Variants in DDX60L observed in about 807,000 individuals in gnomAD.
DDX60L encodes probable ATP-dependent RNA helicase DDX60-like.
Under a neutral mutation model 211.6 loss-of-function variants are expected in DDX60L, and 191 were observed. The ratio of observed to expected loss-of-function variants is 0.90; its 90% confidence interval spans 0.80 to 1.02. The LOEUF is 1.02. Among genes scored for constraint, DDX60L ranks in the 50% least tolerant of loss-of-function variants. DDX60L has a pLI of 0.00. For synonymous variants in DDX60L, 706 were observed against 694.1 expected (o/e 1.02, Z -0.27); for missense variants, 2,007 against 1,984.1 (o/e 1.01, Z -0.22).
At position 168,357,298 on chromosome 4, in the gene DDX60L, T is replaced by C. The variant is rs1738340018; in HGVS notation, c.*849A>G. On this transcript the variant is annotated 3_prime_UTR_variant, in exon 38 of 38. Transcript: ENST00000682922. ...GTTCTGCTTTCAACAGGAAAGTGGT[T>C]TATAACTACTCCAAGTGACTGTTTT... 6.6e-6 allele frequency: 1 copy of C among 152,208 alleles called. No homozygotes were observed. Among genetic ancestry groups the C allele is most frequent in the Admixed American group, 6.5e-5 (1 of 15,268 alleles). 9.4% of individuals were successfully genotyped at this position (152,208 alleles called of 1,614,324 possible).
chr4:168,466,985 C>T (rs1221539273), intron 4 of DDX60L, among the ~76,000 whole-genome samples: 4 of 152,066 alleles, frequency 2.6e-5, no homozygotes, highest in African/African-American at 7.2e-5. Context: ...TGTTAGAATA[C>T]GTGTTGCTTT....
intron 32 of DDX60L, 21 bp downstream of exon 32, chr4:168,379,342 A>C (rs749715222): frequency 3.1e-5 from 46 of 1,505,692 alleles, no homozygotes; most frequent in Non-Finnish European, 4.1e-5. Flanking sequence ...TTTCGACTAC[A>C]GGTATAAAAC....
At chr4:168,443,973 C>T (rs1283864192) in intron 9 of DDX60L, among the ~76,000 whole-genome samples, 253 of 110,576 alleles carry the variant, frequency 2.3e-3, no homozygotes, top group African/African-American at 8.5e-3. Flanking sequence ...CATCAACTAA[C>T]AAGCAAAATA....
chr4:168,433,825 A>G (rs1752680282), intron 10 of DDX60L, among the ~76,000 whole-genome samples: 1 of 152,184 alleles, frequency 6.6e-6, no homozygotes, highest in Non-Finnish European at 1.5e-5. Flanking sequence ...AAATATTTTT[A>G]ATGAGGATAT....
Position 168,420,289 on chromosome 4 carries a change from T to C in DDX60L, c.2486A>G (p.Asp829Gly), listed in dbSNP as rs376065400. Residue 829 changes from aspartate (D) to glycine (G), a missense_variant, in exon 18 of 38, where the codon GAT becomes GGT. Physicochemically the swap from Asp to Gly is moderately conservative, Grantham distance 94. Coordinates refer to ENST00000682922, the MANE Select transcript of DDX60L (RefSeq NM_001012967.3). ...ACAGTTTAGTACATTGTGACAATAA[T>C]CTCTTGTAAAAGCACCGCATAGAGT... The part of the protein sequence containing the change: ...GRTLCGAFTR[D>G]YCHNVLNCQV... 8 of 1,604,586 alleles carry C rather than the reference T, an allele frequency of 5.0e-6. No homozygotes were observed. Among genetic ancestry groups the C allele is most frequent in the Non-Finnish European group, 5.1e-6 (6 of 1,176,450 alleles).
At chr4:168,388,786 G>T (rs552028064) in intron 29 of DDX60L, among the ~76,000 whole-genome samples, 61 of 152,292 alleles carry the variant, frequency 4.0e-4, no homozygotes, top group African/African-American at 1.4e-3. Context: ...CCACCAGTGT[G>T]GTGGTGAGCA....
intron 5 of DDX60L, among the ~76,000 whole-genome samples, chr4:168,460,276 A>C (rs74904819): frequency 6.6e-6 from 1 of 152,222 alleles, no homozygotes; most frequent in Non-Finnish European, 1.5e-5. Context: ...AATGTCAACT[A>C]TACCAAAATA....
chr4:168,442,258 A>C (rs1331174180), intron 9 of DDX60L, among the ~76,000 whole-genome samples: 1 of 152,098 alleles, frequency 6.6e-6, no homozygotes, highest in Non-Finnish European at 1.5e-5. Context: ...CACCTGGAAA[A>C]TCGGGTCACT....
At chr4:168,429,593 A>C (rs1752027091) in intron 13 of DDX60L, among the ~76,000 whole-genome samples, 1 of 152,134 alleles carries the variant, frequency 6.6e-6, no homozygotes, top group African/African-American at 2.4e-5. Context: ...TCTTCTTAGG[A>C]TTTCTAATGG....
At chr4:168,364,552 C>G (rs1739640240) in intron 36 of DDX60L, among the ~76,000 whole-genome samples, 1 of 152,138 alleles carries the variant, frequency 6.6e-6, no homozygotes, top group African/African-American at 2.4e-5. Context: ...ATTGACCTAA[C>G]AGCCTTTTTT....
intron 14 of DDX60L, among the ~76,000 whole-genome samples, chr4:168,426,674 A>C (rs1223287240): frequency 1.3e-5 from 2 of 152,036 alleles, no homozygotes; most frequent in East Asian, 3.9e-4. Context: ...ACATGGAAAA[A>C]CCCATGGAGA....
At chr4:168,442,909 A>C (rs1445540476) in intron 9 of DDX60L, among the ~76,000 whole-genome samples, 2 of 151,924 alleles carry the variant, frequency 1.3e-5, no homozygotes, top group African/African-American at 2.4e-5. Flanking sequence ...AAAGTAGATA[A>C]AACCACAAAG....
chr4:168,431,702 T>A (rs2149943833), intron 12 of DDX60L, among the ~76,000 whole-genome samples: 1 of 151,884 alleles, frequency 6.6e-6, no homozygotes, highest in African/African-American at 2.4e-5. Context: ...TAAAGTATAA[T>A]AATAATAAAA....
chr4:168,456,015 G>A, intron 7 of DDX60L, 24 bp downstream of exon 7: 1 of 1,495,908 alleles, frequency 6.7e-7, no homozygotes, highest in African/African-American at 1.4e-5. Flanking sequence ...CTTTCTGCCT[G>A]GCGGCTGTGT....
At chr4:168,451,308 C>T (rs1755771027) in intron 8 of DDX60L, among the ~76,000 whole-genome samples, 1 of 152,186 alleles carries the variant, frequency 6.6e-6, no homozygotes, top group Non-Finnish European at 1.5e-5. Flanking sequence ...CTGCCTTTTA[C>T]ATATTTCCTT....
chr4:168,377,955 C>T (rs1288022236), intron 33 of DDX60L: 1 of 153,082 alleles, frequency 6.5e-6, no homozygotes, highest in African/African-American at 2.4e-5. Flanking sequence ...TAGGTGACCA[C>T]CTCAATATTG....
At chr4:168,464,810 T>C (rs1224315767) in intron 4 of DDX60L, among the ~76,000 whole-genome samples, 1 of 152,170 alleles carries the variant, frequency 6.6e-6, no homozygotes, top group Non-Finnish European at 1.5e-5. Flanking sequence ...GATCATCATG[T>C]TGCCACAAAT....
chr4:168,392,248 T>C (rs1329446747), intron 28 of DDX60L, among the ~76,000 whole-genome samples: 1 of 152,232 alleles, frequency 6.6e-6, no homozygotes, highest in Admixed American at 6.5e-5. Context: ...TGAAGGATAA[T>C]AAAGTTACAT....
Position 168,358,012 on chromosome 4 carries a change from A to C in DDX60L, c.*135T>G. On this transcript the variant is annotated 3_prime_UTR_variant, in exon 38 of 38. Transcript: ENST00000682922. ...TAAAGTCATTCAGTTAGAAAATAGC[A>C]GAGCTGATATCTGAGTTTAATTCTG... is the stretch of plus-strand genomic sequence containing the variant. The C allele has an allele frequency of 5.4e-6, 4 of 745,756 alleles. No individual in the cohort carries two copies. Among genetic ancestry groups the C allele is most frequent in the Non-Finnish European group, 8.7e-6 (4 of 462,242 alleles). The allele number at this position is 745,756 out of a possible 1,614,324, so 46.2% of individuals were successfully genotyped here.
Sources: gnomAD v4.1 joint callset for allele counts (sites outside exome capture counted in the v4.1 genomes callset) on GRCh38, gnomAD v4.1.1 for gene constraint, MANE v1.5 for transcripts, NCBI Gene and HGNC (gene_info 2026-07-23, HGNC 2026-07-21) for gene names.